Variants in METTL15 observed in about 807,000 individuals in gnomAD.
METTL15 encodes the protein 12S rRNA N(4)-cytidine methyltransferase METTL15.
Under a neutral mutation model 38.3 loss-of-function variants are expected in METTL15, and 34 were observed. The ratio of observed to expected loss-of-function variants is 0.89; its 90% confidence interval spans 0.68 to 1.18. The LOEUF is 1.18. Ranked by LOEUF, METTL15 falls within the 50% of genes most tolerant of loss-of-function variation. The pLI is 0.00. For missense variants in METTL15, 438 were observed against 498.4 expected (o/e 0.88, Z 1.15); for synonymous variants, 162 against 170.9 (o/e 0.95, Z 0.41).
chr11:28,225,546 T>C (rs1452269191), intron 4 of METTL15, among the ~76,000 whole-genome samples: 1 of 151,750 alleles, frequency 6.6e-6, no homozygotes, highest in African/African-American at 2.4e-5. Flanking sequence ...ACCCAGTTTT[T>C]TTTTTTCTTT....
At chr11:28,272,153 A>G (rs570877492) in intron 4 of METTL15, among the ~76,000 whole-genome samples, 5 of 152,318 alleles carry the variant, frequency 3.3e-5, no homozygotes, top group Admixed American at 2.6e-4. Flanking sequence ...TGTGGAAGAC[A>G]ATGTGGCGAT....
chr11:28,341,778 A>G (rs1039836410), intron 3 of METTL15, among the ~76,000 whole-genome samples: 6 of 152,294 alleles, frequency 3.9e-5, no homozygotes, highest in Middle Eastern at 3.4e-3. Context: ...TGTATTGGAC[A>G]TGCCAGTGTA....
chr11:28,232,862 G>A (rs899196981), intron 4 of METTL15, among the ~76,000 whole-genome samples: 9 of 151,872 alleles, frequency 5.9e-5, no homozygotes, highest in African/African-American at 1.7e-4. Context: ...CAGAAAGCTC[G>A]TCAAAGGATT....
chr11:28,251,497 A>G (rs986241388), intron 4 of METTL15, among the ~76,000 whole-genome samples: 1 of 152,018 alleles, frequency 6.6e-6, no homozygotes, highest in Non-Finnish European at 1.5e-5. Flanking sequence ...TCGTTACTGC[A>G]GGGCTCTGAG....
At chr11:28,134,762 A>G (rs762131231) in intron 3 of METTL15, 7 of 393,246 alleles carry the variant, frequency 1.8e-5, no homozygotes, top group Admixed American at 8.9e-5. Context: ...TAGAAGACAT[A>G]TATCAAAACG....
intron 3 of METTL15, among the ~76,000 whole-genome samples, chr11:28,342,337 C>T (rs946167612): frequency 6.6e-6 from 1 of 152,058 alleles, no homozygotes; most frequent in Admixed American, 6.6e-5. Flanking sequence ...GATCATGGCT[C>T]ACTCAGCCTT....
At chr11:28,384,292 A>T (rs547582048) in intron 5 of METTL15, among the ~76,000 whole-genome samples, 2 of 151,204 alleles carry the variant, frequency 1.3e-5, no homozygotes, top group South Asian at 2.1e-4. Flanking sequence ...ATGCATGCAG[A>T]TGTCTTTGTT....
chr11:28,453,962 T>A (rs1440535876), intron 6 of METTL15, among the ~76,000 whole-genome samples: 1 of 152,218 alleles, frequency 6.6e-6, no homozygotes, highest in Non-Finnish European at 1.5e-5. Context: ...ATAATTTTAA[T>A]CATACTGTAT....
chr11:28,485,385 CT>C (rs1236839399), intron 6 of METTL15, among the ~76,000 whole-genome samples: 7 of 152,168 alleles, frequency 4.6e-5, no homozygotes, highest in African/African-American at 1.7e-4. Flanking sequence ...TCTTTTCTTA[CT>C]AATGACAAAT....
chr11:28,216,417 C>T (rs1413963205), intron 4 of METTL15, among the ~76,000 whole-genome samples: 2 of 152,002 alleles, frequency 1.3e-5, no homozygotes, highest in African/African-American at 2.4e-5. Context: ...CAATGCCTGT[C>T]AGACTTGAAG....
chr11:28,306,929 A>G (rs1857101829), intron 6 of METTL15, among the ~76,000 whole-genome samples: 1 of 151,936 alleles, frequency 6.6e-6, no homozygotes, highest in African/African-American at 2.4e-5. Flanking sequence ...AAAATTATGG[A>G]ATATCTAGGA....
At chr11:28,142,489 T>G (rs185179302) in intron 3 of METTL15, among the ~76,000 whole-genome samples, 1 of 152,336 alleles carries the variant, frequency 6.6e-6, no homozygotes, top group East Asian at 1.9e-4. Context: ...TATTGGAAAG[T>G]CAGATAACTT....
At chr11:28,445,494 T>C (rs2133443643) in intron 6 of METTL15, among the ~76,000 whole-genome samples, 1 of 152,290 alleles carries the variant, frequency 6.6e-6, no homozygotes, top group Middle Eastern at 3.4e-3. Flanking sequence ...TTATTAATTG[T>C]TTCAATAATG....
intron 5 of METTL15, among the ~76,000 whole-genome samples, chr11:28,409,337 A>G (rs1264943352): frequency 1.0e-4 from 13 of 130,254 alleles, no homozygotes; most frequent in South Asian, 7.7e-4. Context: ...AGCCGAGATG[A>G]TGCCACTGCA....
intron 5 of METTL15, chr11:28,399,207 C>T (rs1323930040): frequency 6.6e-6 from 1 of 151,994 alleles, no homozygotes; most frequent in Non-Finnish European, 1.5e-5. Flanking sequence ...TAAGTGATTC[C>T]CTATTTAATA....
rs570902112 is a variant in METTL15, at chr11:28,525,783, C to T, written c.*425-695C>T. 5.3e-4 allele frequency among the ~76,000 whole-genome samples: 80 copies of T among 152,370 alleles called. No individual in the cohort carries two copies. The East Asian group carries it at 0.011, about 22-fold the overall frequency. The stretch of plus-strand genomic sequence containing the variant: ...CGCAGGTGGAGCTGCCTGCCAGTAC[C>T]GCGCCGTGCACCCGCACTCCTCAGC... On this transcript the variant is annotated intron_variant and NMD_transcript_variant, in intron 6 of 7. Coordinates refer to the METTL15 transcript ENST00000532947.
intron 3 of METTL15, among the ~76,000 whole-genome samples, chr11:28,165,506 C>G (rs1303860056): frequency 2.6e-5 from 4 of 151,952 alleles, no homozygotes; most frequent in Non-Finnish European, 5.9e-5. Flanking sequence ...GTTCTTTGAC[C>G]ATTTTTTAAT....
chr11:28,242,561 C>T (rs2133907469), intron 4 of METTL15, among the ~76,000 whole-genome samples: 1 of 152,136 alleles, frequency 6.6e-6, no homozygotes, highest in Non-Finnish European at 1.5e-5. Flanking sequence ...TGGTAGTTTC[C>T]TTTATTCTGA....
chr11:28,425,469 G>C (rs1257185491), intron 6 of METTL15, among the ~76,000 whole-genome samples: 3 of 152,050 alleles, frequency 2.0e-5, no homozygotes, highest in Non-Finnish European at 4.4e-5. Flanking sequence ...TGTCATGCAG[G>C]GTATCCCTCA....
Sources: gnomAD v4.1 joint callset for allele counts (sites outside exome capture counted in the v4.1 genomes callset) on GRCh38, gnomAD v4.1.1 for gene constraint, MANE v1.5 for transcripts, NCBI Gene and HGNC (gene_info 2026-07-23, HGNC 2026-07-21) for gene names.